TRAFD1: variants seen among roughly 807,000 people sequenced by gnomAD.
The protein encoded by TRAFD1 is TRAF-type zinc finger domain containing 1, also known as TRAF-type zinc finger domain-containing protein 1.
A neutral mutation model predicts 65.3 loss-of-function variants in TRAFD1; 38 were observed. That is an observed-to-expected ratio of 0.58 (90% CI 0.45 to 0.76). The LOEUF is 0.76. Among genes scored for constraint, TRAFD1 ranks in the 30% least tolerant of loss-of-function variants. TRAFD1 has a pLI of 0.00. For synonymous variants in TRAFD1, 223 were observed against 257.2 expected (o/e 0.87, Z 1.27); for missense variants, 631 against 712.6 (o/e 0.89, Z 1.30).
rs886601152 is a variant in TRAFD1 at position 112,153,016 on chromosome 12, C to T, written c.*225C>T. The T allele has an allele frequency of 4.0e-6, 2 of 495,372 alleles. No individual in the cohort carries two copies. Among genetic ancestry groups the T allele is most frequent in the African/African-American group, 3.9e-5 (2 of 50,972 alleles). The allele number at this position is 495,372 out of a possible 1,614,324, so 30.7% of individuals were successfully genotyped here. A position where few individuals can be genotyped will look rare whatever the true frequency, so the allele number is the denominator to read the frequency against. Reference sequence around the variant, plus strand: ...AGGAACGCTTCAGCCTTAGCTGCTACCTTTCGGCAGCAGTGAAATACAAGC... The same window carrying T: ...AGGAACGCTTCAGCCTTAGCTGCTATCTTTCGGCAGCAGTGAAATACAAGC... On this transcript the variant is annotated 3_prime_UTR_variant, in exon 12 of 12. Coordinates refer to ENST00000412615, the MANE Select transcript of TRAFD1 (RefSeq NM_006700.3).
intron 9 of TRAFD1, among the ~76,000 whole-genome samples, chr12:112,151,106 C>G (rs969686888): frequency 5.3e-5 from 8 of 151,706 alleles, no homozygotes; most frequent in Non-Finnish European, 1.2e-4. Context: ...GGCGTGGTGG[C>G]GGGCGCCAGT....
At chr12:112,131,084 G>C (rs1323541258) in intron 2 of TRAFD1, among the ~76,000 whole-genome samples, 7 of 152,140 alleles carry the variant, frequency 4.6e-5, no homozygotes, top group Non-Finnish European at 8.8e-5. Flanking sequence ...TATAATTAGA[G>C]CAACAGCTGG....
At chr12:112,145,151 C>T (rs962732306) in intron 6 of TRAFD1, among the ~76,000 whole-genome samples, 4 of 152,116 alleles carry the variant, frequency 2.6e-5, no homozygotes, top group African/African-American at 9.7e-5. Flanking sequence ...TTTTAGGCAG[C>T]ATTTTTTGGT....
intron 1 of TRAFD1, chr12:112,125,909 G>C (rs962024785): frequency 6.6e-6 from 1 of 152,264 alleles, no homozygotes; most frequent in African/African-American, 2.4e-5. Flanking sequence ...TGACCACCGC[G>C]TCCCGGGCGG....
At chr12:112,126,542 A>G (rs148577772) in intron 1 of TRAFD1, among the ~76,000 whole-genome samples, 2 of 152,306 alleles carry the variant, frequency 1.3e-5, no homozygotes, top group East Asian at 3.9e-4. Context: ...TAGAAAAGCA[A>G]GCACCTGCTA....
At chr12:112,145,481 TAAAG>T in intron 6 of TRAFD1, 101 bp from the exon 7 acceptor site, 1 of 1,158,512 alleles carries the variant, frequency 8.6e-7, no homozygotes, top group Non-Finnish European at 1.2e-6. Context: ...TAAGAAACAT[TAAAG>T]AAAGCCAAAC....
rs556850733 is a variant in TRAFD1 at position 112,148,020 on chromosome 12, G to GT, written c.928-47dup. 286 of 1,473,654 alleles carry GT rather than the reference G, an allele frequency of 1.9e-4. No homozygotes were observed. The African/African-American group carries it at 3.7e-3, about 19-fold the overall frequency. The allele number at this position is 1,473,654 out of a possible 1,614,324, so 91.3% of individuals were successfully genotyped here. On this transcript the variant is annotated intron_variant, in intron 7 of 11. Transcript: ENST00000412615. ...TTCTAGAAAATATTTTAGGAATGTA[G>GT]TTTTTTTCTTAACCTCTGATTCTTG...
Position 112,152,580 on chromosome 12 carries a change from T to A in TRAFD1, c.1692+81T>A. On this transcript the variant is annotated intron_variant, in intron 11 of 11. Coordinates refer to ENST00000412615, the MANE Select transcript of TRAFD1 (RefSeq NM_006700.3). The surrounding 1 kb of genome is among the most constrained non-coding windows in gnomAD (Gnocchi z 5.0). ...TGTGTGGCTCCTGAAGTTGTAGAAGTTGTTGGGACCAGGCTGGTTGTGGTT... is the reference window on the plus strand; with the variant it reads ...TGTGTGGCTCCTGAAGTTGTAGAAGATGTTGGGACCAGGCTGGTTGTGGTT... The A allele has an allele frequency of 6.3e-7, 1 of 1,599,086 alleles. No individual in the cohort carries two copies. Among genetic ancestry groups the A allele is most frequent in the South Asian group, 1.1e-5 (1 of 90,406 alleles).
chr12:112,150,868 C>CTTA (rs1160710304), intron 9 of TRAFD1, among the ~76,000 whole-genome samples: 8 of 150,650 alleles, frequency 5.3e-5, no homozygotes, highest in Non-Finnish European at 1.2e-4. Context: ...CAGCCTCAAA[C>CTTA]TTATTATTAT....
intron 4 of TRAFD1, among the ~76,000 whole-genome samples, chr12:112,135,592 C>T (rs571987528): frequency 2.6e-5 from 4 of 152,080 alleles, no homozygotes; most frequent in Non-Finnish European, 5.9e-5. Context: ...CACCACCACT[C>T]CCAGCTAATT....
chr12:112,142,447 G>A (rs967516761), intron 6 of TRAFD1, 152 bp downstream of exon 6: 9 of 904,292 alleles, frequency 1.0e-5, no homozygotes, highest in African/African-American at 3.4e-5. Context: ...GGACAGTCTC[G>A]CCCTGTCACC....
chr12:112,129,947 GTTATTA>G (rs1257405018), intron 1 of TRAFD1, among the ~76,000 whole-genome samples: 2 of 144,978 alleles, frequency 1.4e-5, no homozygotes, highest in Non-Finnish European at 3.0e-5. Flanking sequence ...TGGCCAGGAT[GTTATTA>G]TTATTATTAT....
In TRAFD1 at chr12:112,148,068, T is replaced by C. The variant is rs1168705607; in HGVS notation, c.928-6T>C. The stretch of plus-strand genomic sequence containing the variant: ...TTGTTTTTAACCTATATTTTTTGAA[T>C]GACAGACAAGCTGTAACCCTTCACG... On this transcript the variant is annotated splice_region_variant and splice_polypyrimidine_tract_variant and intron_variant, in intron 7 of 11. Coordinates refer to ENST00000412615, the MANE Select transcript of TRAFD1 (RefSeq NM_006700.3). 1.2e-6 allele frequency: 2 copies of C among 1,605,010 alleles called. No homozygotes were observed. Among genetic ancestry groups the C allele is most frequent in the South Asian group, 1.1e-5 (1 of 90,264 alleles).
chr12:112,135,163 C>A, intron 4 of TRAFD1, 97 bp downstream of exon 4: 2 of 1,375,880 alleles, frequency 1.5e-6, no homozygotes, highest in South Asian at 1.2e-5. Context: ...GTTAGTTCTC[C>A]GTGAGCTCAC....
intron 8 of TRAFD1, 188 bp from the exon 9 acceptor site, chr12:112,149,563 A>G (rs2030344431): frequency 3.3e-6 from 2 of 614,124 alleles, no homozygotes; most frequent in African/African-American, 3.7e-5. Flanking sequence ...TGTTTCTGTC[A>G]GTGCCTCATG....
At position 112,141,052 on chromosome 12, in the gene TRAFD1, G is replaced by A; in HGVS notation, c.471G>A (p.Trp157Ter). 3 of 1,614,116 alleles carry A rather than the reference G, an allele frequency of 1.9e-6. No homozygotes were observed. The highest frequency in any genetic ancestry group is 2.5e-6 in the Non-Finnish European group (3 of 1,180,020). Residue 157 changes from tryptophan (W) to a stop codon, truncating the protein, a stop_gained, in exon 5 of 12, where the codon TGG (tryptophan) becomes TGA (stop). Transcript: ENST00000412615. LOFTEE classifies it high-confidence loss of function. ...AIPPNAYDES[W>*]GQDGIWIASQ... is the part of the protein sequence containing the mutation. The stretch of plus-strand genomic sequence containing the variant: ...CTCCTAATGCATATGATGAATCTTG[G>A]GGTCAGGATGGAATCTGGATTGCAT...
intron 7 of TRAFD1, among the ~76,000 whole-genome samples, chr12:112,147,289 G>A (rs970859318): frequency 2.0e-5 from 3 of 152,024 alleles, no homozygotes; most frequent in African/African-American, 4.8e-5. Context: ...GAGCCTCCAC[G>A]TCTGGCCAGG....
intron 2 of TRAFD1, among the ~76,000 whole-genome samples, chr12:112,132,213 C>T (rs1166481416): frequency 6.6e-6 from 1 of 152,106 alleles, no homozygotes; most frequent in Non-Finnish European, 1.5e-5. Flanking sequence ...TCTTCTTTCA[C>T]TTTGTTGGTA....
rs750858150 is a variant in TRAFD1, at chr12:112,145,670, A to G, written c.927+8A>G. Reference sequence around the variant, plus strand: ...CTGCTGATTGACCATCAGGTGTGTTATGAATTACTTGAGGACTTTTAGTAG... The same window carrying G: ...CTGCTGATTGACCATCAGGTGTGTTGTGAATTACTTGAGGACTTTTAGTAG... On this transcript the variant is annotated splice_region_variant and intron_variant, in intron 7 of 11. Coordinates refer to ENST00000412615, the MANE Select transcript of TRAFD1 (RefSeq NM_006700.3). 4.3e-6 allele frequency: 7 copies of G among 1,613,912 alleles called. No individual in the cohort carries two copies. The highest frequency in any genetic ancestry group is 1.1e-5 in the South Asian group (1 of 91,068).
Sources: allele counts gnomAD v4.1 joint callset (sites outside exome capture counted in the v4.1 genomes callset), GRCh38; gene constraint gnomAD v4.1.1; non-coding constraint Gnocchi (gnomAD v3.1); transcripts MANE v1.5; gene names NCBI Gene and HGNC (gene_info 2026-07-23, HGNC 2026-07-21).